The following ADARB2 variants were observed in gnomAD, a reference collection of about 807,000 sequenced individuals.
The protein encoded by ADARB2 is inactive double-stranded RNA-specific editase B2.
A neutral mutation model predicts 62.2 loss-of-function variants in ADARB2; 25 were observed. The ratio of observed to expected loss-of-function variants is 0.40; its 90% CI spans 0.29 to 0.56. The LOEUF is 0.56. Among genes scored for constraint, ADARB2 ranks in the 20% least tolerant of loss-of-function variants. The probability of loss-of-function intolerance (pLI) is 0.43; values close to 1 mark genes in which losing one functional copy is unlikely to be tolerated. For synonymous variants in ADARB2, 572 were observed against 500.8 expected (o/e 1.14, Z -1.90); for missense variants, 1,071 against 1,077.4 (o/e 0.99, Z 0.08).
intron 1 of ADARB2, among the ~76,000 whole-genome samples, chr10:1,514,703 A>G (rs569853737): frequency 1.3e-5 from 2 of 152,234 alleles, no homozygotes; most frequent in Non-Finnish European, 2.9e-5. Context: ...CACCTGTGGC[A>G]GATGGCTACT....
intron 1 of ADARB2, among the ~76,000 whole-genome samples, chr10:1,548,929 G>T (rs895381798): frequency 1.3e-5 from 2 of 152,190 alleles, no homozygotes; most frequent in Non-Finnish European, 2.9e-5. Flanking sequence ...AGGAATGAGG[G>T]TGGGCTGTTA....
intron 9 of ADARB2, among the ~76,000 whole-genome samples, chr10:1,183,804 ACAAGACAGGGAT>A (rs1276771993): frequency 6.6e-6 from 1 of 152,182 alleles, no homozygotes; most frequent in Non-Finnish European, 1.5e-5. Flanking sequence ...TTGCAGCAAC[ACAAGACAGGGAT>A]CAAATGCAGC....
At chr10:1,392,835 G>A (rs1218728164) in intron 1 of ADARB2, among the ~76,000 whole-genome samples, 2 of 152,142 alleles carry the variant, frequency 1.3e-5, no homozygotes, top group Non-Finnish European at 2.9e-5. Context: ...TCAGCCACAT[G>A]TTCACTGTCA....
intron 6 of ADARB2, among the ~76,000 whole-genome samples, chr10:1,220,418 G>T (rs886141322): frequency 1.3e-5 from 2 of 150,918 alleles, no homozygotes; most frequent in Admixed American, 6.6e-5. Context: ...GATGATGGTC[G>T]TGATGGTGAT....
At chr10:1,547,014 G>A (rs2387727) in intron 1 of ADARB2, among the ~76,000 whole-genome samples, 78,100 of 152,040 alleles carry the variant, frequency 0.51, 21,595 homozygotes, top group East Asian at 0.76. Context: ...AACACAGCCT[G>A]GCAGGAGCAG....
In ADARB2 at chr10:1,189,597, G is replaced by C. The variant is rs145831835; in HGVS notation, c.1865-4558C>G. 1.3e-3 allele frequency among the ~76,000 whole-genome samples: 192 copies of C among 152,176 alleles called. 1 individual carries two copies. Among genetic ancestry groups the C allele is most frequent in the African/African-American group, 4.4e-3 (183 of 41,432 alleles). ...CTGAAGTGGGCATCGGCTGATTGAA[G>C]ACGGAACTCGAGTCCCAAGGACAGA... On this transcript the variant is annotated intron_variant, in intron 8 of 9. Transcript: ENST00000381312.
chr10:1,437,935 C>G (rs1015391141), intron 1 of ADARB2, among the ~76,000 whole-genome samples: 2 of 152,220 alleles, frequency 1.3e-5, no homozygotes, highest in South Asian at 4.1e-4. Context: ...AGGCTCCCCA[C>G]CTGGGGTCTC....
intron 2 of ADARB2, among the ~76,000 whole-genome samples, chr10:1,372,390 C>A (rs1170234753): frequency 6.6e-6 from 1 of 152,182 alleles, no homozygotes; most frequent in African/African-American, 2.4e-5. Flanking sequence ...GGTACACTAG[C>A]AGCCCAATCC....
intron 5 of ADARB2, 94 bp downstream of exon 5, chr10:1,242,037 G>T: frequency 7.5e-7 from 1 of 1,325,496 alleles, no homozygotes; most frequent in Non-Finnish European, 1.0e-6. Context: ...ATAGAGGGAA[G>T]CGTGTTCTGA....
chr10:1,376,145 A>T (rs1832427826), intron 2 of ADARB2, among the ~76,000 whole-genome samples: 1 of 152,218 alleles, frequency 6.6e-6, no homozygotes, highest in Non-Finnish European at 1.5e-5. Context: ...ACAAATGGAT[A>T]AGGCCGCGCT....
chr10:1,502,061 A>G (rs1831774180), intron 1 of ADARB2, among the ~76,000 whole-genome samples: 2 of 152,248 alleles, frequency 1.3e-5, no homozygotes, highest in Non-Finnish European at 2.9e-5. Flanking sequence ...CAGAACATTG[A>G]GGCTGATCAC....
At chr10:1,610,541 G>A (rs78167699) in intron 1 of ADARB2, among the ~76,000 whole-genome samples, 1,540 of 152,306 alleles carry the variant, frequency 0.01, 10 homozygotes, top group Middle Eastern at 0.017. Context: ...ATGTGGGGTC[G>A]GGACAGGTGC....
At chr10:1,304,257 A>G (rs1350545534) in intron 3 of ADARB2, among the ~76,000 whole-genome samples, 2 of 152,210 alleles carry the variant, frequency 1.3e-5, no homozygotes, top group East Asian at 1.9e-4. Context: ...TTAAACCAAC[A>G]AAGATCAAAA....
chr10:1,673,553 T>G (rs1330496158), intron 1 of ADARB2, among the ~76,000 whole-genome samples: 1 of 152,244 alleles, frequency 6.6e-6, no homozygotes, highest in Non-Finnish European at 1.5e-5. Context: ...ACACGTCGCT[T>G]AGACCTTATT....
At chr10:1,354,842 T>C (rs1292715049) in intron 3 of ADARB2, among the ~76,000 whole-genome samples, 3 of 152,238 alleles carry the variant, frequency 2.0e-5, no homozygotes, top group Non-Finnish European at 4.4e-5. Context: ...GCCATCCTAA[T>C]GGAGCCATTG....
chr10:1,275,549 C>T (rs1831307787), intron 3 of ADARB2, among the ~76,000 whole-genome samples: 1 of 151,890 alleles, frequency 6.6e-6, no homozygotes, highest in East Asian at 1.9e-4. Context: ...GGTACATGTG[C>T]ACAATGTGCA....
At chr10:1,474,510 G>A (rs1008622778) in intron 1 of ADARB2, among the ~76,000 whole-genome samples, 8 of 152,218 alleles carry the variant, frequency 5.3e-5, no homozygotes, top group Non-Finnish European at 1.0e-4. Context: ...TGGCACCCAA[G>A]CAGGACTGTG....
chr10:1,375,016 T>TGGAAGCGACAGGA (rs1490754280), intron 2 of ADARB2, among the ~76,000 whole-genome samples: 27 of 152,164 alleles, frequency 1.8e-4, no homozygotes, highest in African/African-American at 6.3e-4. Context: ...GAGTGGACAC[T>TGGAAGCGACAGGA]GGCAGGCTGG....
chr10:1,240,265 T>A (rs1311722404), intron 5 of ADARB2: 1 of 122,670 alleles, frequency 8.2e-6, no homozygotes, highest in Non-Finnish European at 1.7e-5. Flanking sequence ...CCTCCCGGTG[T>A]TTACTCCCCT....
Sources: allele counts gnomAD v4.1 joint callset (sites outside exome capture counted in the v4.1 genomes callset), GRCh38; gene constraint gnomAD v4.1.1; transcripts MANE v1.5; gene names NCBI Gene and HGNC (gene_info 2026-07-23, HGNC 2026-07-21).